LSAMP: variants seen among roughly 807,000 people sequenced by gnomAD.
LSAMP encodes limbic system-associated membrane protein.
Under a neutral mutation model 38.6 loss-of-function variants are expected in LSAMP, and 7 were observed. The observed-to-expected ratio is 0.18, with a 90% CI of 0.10 to 0.34. The LOEUF is 0.34. Among genes scored for constraint, LSAMP ranks in the 10% least tolerant of loss-of-function variants. The probability of loss-of-function intolerance (pLI) is 1.00; values close to 1 mark genes in which losing one functional copy is unlikely to be tolerated. For synonymous variants in LSAMP, 154 were observed against 166.8 expected, an observed-to-expected ratio of 0.92 and a Z score of 0.59; for missense variants, 313 against 420.0, an observed-to-expected ratio of 0.75 and a Z score of 2.23.
chr3:116,273,980 C>T (rs1232145922), intron 1 of LSAMP, among the ~76,000 whole-genome samples: 1 of 151,682 alleles, frequency 6.6e-6, no homozygotes, highest in Non-Finnish European at 1.5e-5. Flanking sequence ...TAAGATTCTC[C>T]ACTGCTTCCT....
intron 1 of LSAMP, among the ~76,000 whole-genome samples, chr3:116,427,244 C>G (rs575854552): frequency 4.4e-4 from 66 of 151,458 alleles, no homozygotes; most frequent in African/African-American, 1.6e-3. Context: ...CCTCAGCCTC[C>G]CGAGTAGCTG....
At chr3:116,433,590 C>T (rs2049309634) in intron 1 of LSAMP, among the ~76,000 whole-genome samples, 1 of 152,140 alleles carries the variant, frequency 6.6e-6, no homozygotes, top group Non-Finnish European at 1.5e-5. Context: ...GCATCACTAT[C>T]AGTATGAATA....
chr3:115,868,357 C>T (rs1935919842), intron 3 of LSAMP, among the ~76,000 whole-genome samples: 2 of 152,122 alleles, frequency 1.3e-5, no homozygotes, highest in Non-Finnish European at 2.9e-5. Context: ...TGTGTCTGAC[C>T]TCCCACTCCC....
chr3:115,981,517 A>G (rs1030622530), intron 3 of LSAMP, among the ~76,000 whole-genome samples: 3 of 152,002 alleles, frequency 2.0e-5, no homozygotes, highest in African/African-American at 4.8e-5. Flanking sequence ...CTGATCTATT[A>G]TTTTATAATC....
In LSAMP at chr3:116,172,632, T is replaced by C. The variant is rs554813764; in HGVS notation, c.156-86076A>G. Among the ~76,000 whole-genome samples the C allele has an allele frequency of 3.3e-5, 5 of 152,138 alleles. No individual in the cohort carries two copies. In the South Asian group the frequency reaches 1.0e-3, roughly 32 times the overall value. ...GTTGAGAGGATAAGGGATAGAAATA[T>C]AAGCACCTAGTTTCTCTCAATTCTT... On this transcript the variant is annotated intron_variant, in intron 1 of 6. Transcript: ENST00000490035.
At chr3:116,418,643 A>G (rs2049082804) in intron 1 of LSAMP, among the ~76,000 whole-genome samples, 2 of 152,160 alleles carry the variant, frequency 1.3e-5, no homozygotes, top group African/African-American at 4.8e-5. Flanking sequence ...AATTATATCA[A>G]TGTGCATTAA....
chr3:115,900,443 G>C (rs947106869), intron 3 of LSAMP, among the ~76,000 whole-genome samples: 2 of 150,246 alleles, frequency 1.3e-5, no homozygotes, highest in African/African-American at 4.9e-5. Flanking sequence ...TTGAACCCAG[G>C]AGGCGGAGGT....
At chr3:116,035,949 G>A (rs888550320) in intron 2 of LSAMP, among the ~76,000 whole-genome samples, 1 of 152,196 alleles carries the variant, frequency 6.6e-6, no homozygotes, top group South Asian at 2.1e-4. Flanking sequence ...AAGCAATATG[G>A]AGGCCTAGCC....
intron 3 of LSAMP, among the ~76,000 whole-genome samples, chr3:115,889,106 C>T (rs962527856): frequency 3.3e-5 from 5 of 151,866 alleles, no homozygotes; most frequent in Non-Finnish European, 7.4e-5. Context: ...ACACATGTTC[C>T]AGTTGGGTAG....
chr3:116,112,800 G>C (rs139178907), intron 1 of LSAMP, among the ~76,000 whole-genome samples: 1 of 152,268 alleles, frequency 6.6e-6, no homozygotes, highest in East Asian at 1.9e-4. Context: ...TCACAAATGC[G>C]TTGGCTACCC....
At chr3:116,232,821 T>C (rs2046418770) in intron 1 of LSAMP, among the ~76,000 whole-genome samples, 1 of 149,888 alleles carries the variant, frequency 6.7e-6, no homozygotes, top group African/African-American at 2.4e-5. Context: ...TGAACCTAGC[T>C]GGGTTTTGAT....
intron 3 of LSAMP, among the ~76,000 whole-genome samples, chr3:115,898,909 C>G (rs888415813): frequency 2.0e-5 from 3 of 152,086 alleles, no homozygotes; most frequent in Non-Finnish European, 4.4e-5. Flanking sequence ...AGCATGCACA[C>G]TTAAGTCTGG....
intron 1 of LSAMP, among the ~76,000 whole-genome samples, chr3:116,435,974 G>GA (rs1235993420): frequency 6.6e-6 from 1 of 151,986 alleles, no homozygotes; most frequent in Non-Finnish European, 1.5e-5. Context: ...AGAGGTACCA[G>GA]AAAAAAAGAG....
At chr3:116,116,850 G>C (rs999679705) in intron 1 of LSAMP, among the ~76,000 whole-genome samples, 28 of 152,130 alleles carry the variant, frequency 1.8e-4, no homozygotes, top group Non-Finnish European at 3.7e-4. Flanking sequence ...CCATGCATAG[G>C]TTCTCTGGCC....
chr3:116,344,823 G>A (rs531232834), intron 1 of LSAMP, among the ~76,000 whole-genome samples: 273 of 152,278 alleles, frequency 1.8e-3, no homozygotes, highest in African/African-American at 6.3e-3. Flanking sequence ...TCAAAGCCAA[G>A]TTTGACTAAC....
chr3:116,066,575 G>C (rs13065579), intron 2 of LSAMP, among the ~76,000 whole-genome samples: 55,853 of 151,790 alleles, frequency 0.37, 10,472 homozygotes, highest in Admixed American at 0.42. Context: ...CTTTTTTTCT[G>C]ATACCGCCAC....
At chr3:116,100,559 TGTC>T (rs1020471254) in intron 1 of LSAMP, among the ~76,000 whole-genome samples, 11 of 152,220 alleles carry the variant, frequency 7.2e-5, no homozygotes, top group Non-Finnish European at 1.5e-4. Context: ...TTCAGTGCCT[TGTC>T]ATTTGTTACC....
chr3:116,336,681 T>C (rs1361380779), intron 1 of LSAMP, among the ~76,000 whole-genome samples: 1 of 151,934 alleles, frequency 6.6e-6, no homozygotes, highest in African/African-American at 2.4e-5. Flanking sequence ...AACCCTTGGG[T>C]ACTGTTGGTG....
At position 115,807,245 on chromosome 3, in the gene LSAMP, C is replaced by T. The variant is rs1933650212; in HGVS notation, c.*3072G>A. ...TACCTTTCCCTGACTTTTCTCTAAA[C>T]TATATTTTCCTCCATTGTTCACACT... is the stretch of plus-strand genomic sequence containing the variant. On this transcript the variant is annotated 3_prime_UTR_variant, in exon 7 of 7. Transcript: ENST00000490035. 1 of 152,110 alleles carries T rather than the reference C, an allele frequency of 6.6e-6. No individual in the cohort carries two copies. Among genetic ancestry groups the T allele is most frequent in the Non-Finnish European group, 1.5e-5 (1 of 68,032 alleles). The allele number at this position is 152,110 out of a possible 1,614,324, so 9.4% of individuals were successfully genotyped here.
Sources: gnomAD v4.1 joint callset for allele counts (sites outside exome capture counted in the v4.1 genomes callset) on GRCh38, gnomAD v4.1.1 for gene constraint, MANE v1.5 for transcripts, NCBI Gene and HGNC (gene_info 2026-07-23, HGNC 2026-07-21) for gene names.